EIPR1: variants seen among roughly 807,000 people sequenced by gnomAD.
EIPR1 encodes the protein EARP and GARP complex-interacting protein 1.
In EIPR1, 25 loss-of-function variants were observed where a neutral mutation model predicts 48.1. The observed-to-expected ratio is 0.52, with a 90% CI of 0.38 to 0.73. The LOEUF (loss-of-function observed/expected upper bound fraction) is 0.73. Among genes scored for constraint, EIPR1 ranks in the 30% least tolerant of loss-of-function variants. The pLI is 0.00. For synonymous variants in EIPR1, 204 were observed against 201.9 expected, an observed-to-expected ratio of 1.01 and a Z score of -0.09; for missense variants, 415 against 506.2, an observed-to-expected ratio of 0.82 and a Z score of 1.73.
chr2:3,222,507 G>A (rs1462900851), intron 4 of EIPR1, among the ~76,000 whole-genome samples: 1 of 133,482 alleles, frequency 7.5e-6, no homozygotes, highest in Admixed American at 8.3e-5. Context: ...GACTACAGGA[G>A]GTAATATTGA....
chr2:3,318,380 G>A (rs1669380128), intron 3 of EIPR1, among the ~76,000 whole-genome samples: 1 of 152,178 alleles, frequency 6.6e-6, no homozygotes, highest in African/African-American at 2.4e-5. Context: ...GCTGCTCCAG[G>A]GACCAAGTCT....
intron 3 of EIPR1, among the ~76,000 whole-genome samples, chr2:3,288,401 G>A (rs1668270679): frequency 6.6e-6 from 1 of 152,226 alleles, no homozygotes; most frequent in African/African-American, 2.4e-5. Flanking sequence ...GAGGTGATGT[G>A]AAATACCACG....
chr2:3,225,756 T>C (rs914578724), intron 4 of EIPR1, among the ~76,000 whole-genome samples: 2 of 152,202 alleles, frequency 1.3e-5, no homozygotes, highest in Non-Finnish European at 2.9e-5. Flanking sequence ...ATTCATCTTA[T>C]AAGCTGAACG....
intron 7 of EIPR1, 112 bp downstream of exon 7, chr2:3,193,887 T>C: frequency 8.6e-7 from 1 of 1,159,874 alleles, no homozygotes; most frequent in Non-Finnish European, 1.2e-6. Context: ...GTTGATTGAA[T>C]GATTCACAGC....
At chr2:3,252,468 G>A (rs1194576862) in intron 4 of EIPR1, among the ~76,000 whole-genome samples, 2 of 152,196 alleles carry the variant, frequency 1.3e-5, no homozygotes, top group Non-Finnish European at 2.9e-5. Context: ...GTGGGTGCCT[G>A]TAATCCCAGC....
intron 5 of EIPR1, among the ~76,000 whole-genome samples, chr2:3,204,034 G>A (rs1459771765): frequency 6.6e-6 from 1 of 152,262 alleles, no homozygotes; most frequent in Non-Finnish European, 1.5e-5. Flanking sequence ...CACGTGGGCC[G>A]TGCTGAGCAC....
intron 2 of EIPR1, among the ~76,000 whole-genome samples, chr2:3,341,583 GTGTA>G (rs1414162860): frequency 5.9e-5 from 9 of 152,038 alleles, no homozygotes; most frequent in African/African-American, 1.9e-4. Context: ...AGGTGCAGGT[GTGTA>G]TGTAAGGGTG....
chr2:3,374,813 T>G (rs1373192793), intron 1 of EIPR1, among the ~76,000 whole-genome samples: 1 of 146,866 alleles, frequency 6.8e-6, no homozygotes, highest in East Asian at 2.0e-4. Context: ...ATTGTGGAAG[T>G]CAGTGTGGCG....
chr2:3,275,548 T>C (rs769112182), intron 3 of EIPR1, among the ~76,000 whole-genome samples: 13 of 152,068 alleles, frequency 8.5e-5, no homozygotes, highest in Non-Finnish European at 1.9e-4. Flanking sequence ...ACATAAAAAT[T>C]AATCCATACG....
chr2:3,234,491 G>A (rs1055405768), intron 4 of EIPR1, among the ~76,000 whole-genome samples: 15 of 152,128 alleles, frequency 9.9e-5, no homozygotes, highest in African/African-American at 2.2e-4. Context: ...CCTGTGTCAC[G>A]ACGCTCCACA....
intron 3 of EIPR1, among the ~76,000 whole-genome samples, chr2:3,295,741 C>G (rs1457428543): frequency 5.1e-5 from 7 of 138,248 alleles, no homozygotes; most frequent in Non-Finnish European, 1.6e-5. Context: ...CATACACACA[C>G]CCTCCATCCA....
chr2:3,362,040 A>C (rs1393650756), intron 1 of EIPR1, among the ~76,000 whole-genome samples: 4 of 152,228 alleles, frequency 2.6e-5, no homozygotes, highest in Admixed American at 6.5e-5. Flanking sequence ...TCCAAATGCG[A>C]ATCTGGTGCC....
intron 4 of EIPR1, among the ~76,000 whole-genome samples, chr2:3,238,464 CT>C (rs1220227710): frequency 6.6e-6 from 1 of 152,214 alleles, no homozygotes; most frequent in Non-Finnish European, 1.5e-5. Context: ...TTCTCTTCTG[CT>C]TTTAAGGCTA....
chr2:3,339,722 G>C (rs980614799), intron 2 of EIPR1, among the ~76,000 whole-genome samples: 1 of 152,192 alleles, frequency 6.6e-6, no homozygotes, highest in African/African-American at 2.4e-5. Flanking sequence ...GCCGAGGCGG[G>C]CGGATCACCT....
chr2:3,373,999 C>A (rs1259562332), intron 1 of EIPR1, among the ~76,000 whole-genome samples: 3 of 146,016 alleles, frequency 2.1e-5, no homozygotes, highest in Admixed American at 6.9e-5. Flanking sequence ...CTACAGTAAC[C>A]AAAACAGCAT....
chr2:3,268,817 G>A (rs1667575375), intron 3 of EIPR1, among the ~76,000 whole-genome samples: 2 of 152,174 alleles, frequency 1.3e-5, no homozygotes, highest in Admixed American at 6.5e-5. Context: ...GGAGCAGGTG[G>A]GGGCATCTTC....
intron 3 of EIPR1, 85 bp downstream of exon 3, chr2:3,337,932 C>T (rs879312719): frequency 3.4e-5 from 49 of 1,431,984 alleles, no homozygotes; most frequent in Non-Finnish European, 4.4e-5. Flanking sequence ...AGTCATGTGT[C>T]GACCCATTAG....
In EIPR1 at chr2:3,286,243, G is replaced by A. The variant is rs951439293; in HGVS notation, c.260-28788C>T. On this transcript the variant is annotated intron_variant, in intron 3 of 8. Coordinates refer to ENST00000382125, the MANE Select transcript of EIPR1 (RefSeq NM_003310.5). This position sits in a 1 kb window ranked among gnomAD's most constrained non-coding sequence, Gnocchi z 4.2. ...TTTTTATGCTAATAAAAAAAAATAG[G>A]TTGGCCTCATTTACAAACCCAGGGT... Among the ~76,000 whole-genome samples the A allele has an allele frequency of 2.6e-4, 39 of 152,206 alleles. No individual in the cohort carries two copies. The highest frequency in any genetic ancestry group is 8.0e-4 in the African/African-American group (33 of 41,442).
chr2:3,270,242 G>A (rs1021313279), intron 3 of EIPR1, among the ~76,000 whole-genome samples: 1 of 152,198 alleles, frequency 6.6e-6, no homozygotes, highest in Non-Finnish European at 1.5e-5. Flanking sequence ...GTGCCCACAC[G>A]GGTGCTCGCT....
Sources: allele counts gnomAD v4.1 joint callset (sites outside exome capture counted in the v4.1 genomes callset), GRCh38; gene constraint gnomAD v4.1.1; non-coding constraint Gnocchi (gnomAD v3.1); transcripts MANE v1.5; gene names NCBI Gene and HGNC (gene_info 2026-07-23, HGNC 2026-07-21).